The following KCND2 variants were observed in gnomAD, a reference collection of about 807,000 sequenced individuals.
The protein encoded by KCND2 is A-type voltage-gated potassium channel KCND2.
In KCND2, 16 loss-of-function variants were observed where a neutral mutation model predicts 54.4. The observed-to-expected ratio is 0.29, with a 90% confidence interval of 0.20 to 0.45. The LOEUF (loss-of-function observed/expected upper bound fraction) is 0.45, where lower values mean the gene tolerates loss of function less well. Ranked by LOEUF, KCND2 falls within the 20% of genes least tolerant of loss-of-function variation. The probability of loss-of-function intolerance (pLI) is 1.00; values close to 1 mark genes in which losing one functional copy is unlikely to be tolerated. For synonymous variants in KCND2, 317 were observed against 310.7 expected, an observed-to-expected ratio of 1.02 and a Z score of -0.21; for missense variants, 486 against 824.2, an observed-to-expected ratio of 0.59 and a Z score of 5.02.
intron 1 of KCND2, among the ~76,000 whole-genome samples, chr7:120,483,881 TG>T (rs1802650558): frequency 6.6e-6 from 1 of 152,042 alleles, no homozygotes; most frequent in Admixed American, 6.6e-5. Context: ...AAGAGAAGCA[TG>T]GGTATGAGCA....
intron 1 of KCND2, among the ~76,000 whole-genome samples, chr7:120,681,853 A>G (rs987506041): frequency 1.3e-5 from 2 of 152,042 alleles, no homozygotes; most frequent in African/African-American, 2.4e-5. Flanking sequence ...TCCATATAAA[A>G]TGGCCTTTTT....
chr7:120,744,839 A>T (rs561378010), intron 4 of KCND2, among the ~76,000 whole-genome samples: 67 of 152,320 alleles, frequency 4.4e-4, no homozygotes, highest in Admixed American at 9.2e-4. Context: ...AGAAAAACAA[A>T]ATAGTAATTG....
chr7:120,621,410 G>A (rs75588460), intron 1 of KCND2, among the ~76,000 whole-genome samples: 4 of 151,750 alleles, frequency 2.6e-5, no homozygotes, highest in Non-Finnish European at 4.4e-5. Context: ...GAAGGATGGG[G>A]TGCCAATTTT....
At chr7:120,498,875 A>G (rs11980474) in intron 1 of KCND2, among the ~76,000 whole-genome samples, 44,326 of 152,072 alleles carry the variant, frequency 0.29, 9,278 homozygotes, top group African/African-American at 0.58. Flanking sequence ...TGTCCGTGAG[A>G]ATTAAGCTGA....
At position 120,715,793 on chromosome 7, in the gene KCND2, A is replaced by G. The variant is rs141124867; in HGVS notation, c.1116-17110A>G. On this transcript the variant is annotated intron_variant, in intron 1 of 5. Transcript: ENST00000331113. ...GTGACAACACTTTATAGGACTCAAAATATTTTCTGACTTGATATTAAAGCC... is the reference window on the plus strand; with the variant it reads ...GTGACAACACTTTATAGGACTCAAAGTATTTTCTGACTTGATATTAAAGCC... Among the ~76,000 whole-genome samples, 94 of 152,204 alleles carry G rather than the reference A, an allele frequency of 6.2e-4. 3 individuals carry two copies. The highest frequency in any genetic ancestry group is 2.1e-3 in the African/African-American group (88 of 41,566).
intron 2 of KCND2, among the ~76,000 whole-genome samples, chr7:120,735,546 A>C (rs1266952819): frequency 6.6e-6 from 1 of 152,134 alleles, no homozygotes; most frequent in Non-Finnish European, 1.5e-5. Context: ...TGTCATCTGC[A>C]ACAAAGAAAT....
chr7:120,540,824 T>C (rs929870698), intron 1 of KCND2, among the ~76,000 whole-genome samples: 3 of 151,998 alleles, frequency 2.0e-5, no homozygotes, highest in African/African-American at 7.3e-5. Context: ...TAAAAAAAAA[T>C]AACAATTTTA....
At chr7:120,510,848 T>C (rs1803102757) in intron 1 of KCND2, among the ~76,000 whole-genome samples, 1 of 151,842 alleles carries the variant, frequency 6.6e-6, no homozygotes, top group South Asian at 2.1e-4. Context: ...CCCTCCTCCT[T>C]CTACCCCCAA....
chr7:120,516,666 G>T (rs1160741790), intron 1 of KCND2, among the ~76,000 whole-genome samples: 1 of 152,076 alleles, frequency 6.6e-6, no homozygotes, highest in Non-Finnish European at 1.5e-5. Flanking sequence ...ATCATATGGG[G>T]TTGGATTGGC....
chr7:120,361,676 C>T (rs556817630), intron 1 of KCND2, among the ~76,000 whole-genome samples: 4 of 151,970 alleles, frequency 2.6e-5, no homozygotes, highest in East Asian at 1.9e-4. Context: ...AGCAGAAAGG[C>T]GAAGGCAGAG....
At chr7:120,656,667 C>G (rs950316965) in intron 1 of KCND2, among the ~76,000 whole-genome samples, 2 of 152,204 alleles carry the variant, frequency 1.3e-5, no homozygotes, top group African/African-American at 4.8e-5. Context: ...GTTCCCTTTT[C>G]ATAAATTTCA....
chr7:120,719,127 T>C (rs891278823), intron 1 of KCND2, among the ~76,000 whole-genome samples: 2 of 152,170 alleles, frequency 1.3e-5, no homozygotes, highest in African/African-American at 4.8e-5. Context: ...GAGAGGATTA[T>C]TTGCTTTTAG....
At chr7:120,570,838 A>C (rs970164973) in intron 1 of KCND2, among the ~76,000 whole-genome samples, 1 of 152,190 alleles carries the variant, frequency 6.6e-6, no homozygotes, top group East Asian at 1.9e-4. Context: ...CTATTCTTAA[A>C]GCTAAGGGTG....
intron 1 of KCND2, among the ~76,000 whole-genome samples, chr7:120,479,340 A>G (rs1471964355): frequency 6.6e-6 from 1 of 152,108 alleles, no homozygotes; most frequent in African/African-American, 2.4e-5. Context: ...GGTAATATTT[A>G]TATTTCAATT....
intron 1 of KCND2, among the ~76,000 whole-genome samples, chr7:120,385,532 G>A (rs1200752782): frequency 6.6e-6 from 1 of 152,026 alleles, no homozygotes; most frequent in African/African-American, 2.4e-5. Flanking sequence ...TGCTGAAAAG[G>A]GAGAACTTTT....
At chr7:120,667,989 C>A (rs2116568997) in intron 1 of KCND2, among the ~76,000 whole-genome samples, 1 of 152,056 alleles carries the variant, frequency 6.6e-6, no homozygotes, top group Non-Finnish European at 1.5e-5. Context: ...TTAAATATCT[C>A]ATTAAAAAGT....
At chr7:120,389,443 T>C (rs1453651631) in intron 1 of KCND2, among the ~76,000 whole-genome samples, 1 of 151,886 alleles carries the variant, frequency 6.6e-6, no homozygotes, top group Non-Finnish European at 1.5e-5. Context: ...ACTATGGTCC[T>C]CATACCATAC....
At chr7:120,654,291 G>A (rs1342641112) in intron 1 of KCND2, among the ~76,000 whole-genome samples, 4 of 152,068 alleles carry the variant, frequency 2.6e-5, no homozygotes, top group African/African-American at 9.7e-5. Flanking sequence ...TAACTAAACA[G>A]GTATTCAACT....
chr7:120,287,472 A>G (rs1799362959), intron 1 of KCND2, among the ~76,000 whole-genome samples: 1 of 152,104 alleles, frequency 6.6e-6, no homozygotes, highest in Non-Finnish European at 1.5e-5. Context: ...TCTCACATCA[A>G]ATATAAGAAC....
Sources: gnomAD v4.1 joint callset for allele counts (sites outside exome capture counted in the v4.1 genomes callset) on GRCh38, gnomAD v4.1.1 for gene constraint, MANE v1.5 for transcripts, NCBI Gene and HGNC (gene_info 2026-07-23, HGNC 2026-07-21) for gene names.